Variants in ANKRD6 observed in about 807,000 individuals in gnomAD.
The protein encoded by ANKRD6 is ankyrin repeat domain-containing protein 6.
ANKRD6 carries 56 observed loss-of-function variants against 82.3 expected under a neutral mutation model. That is an observed-to-expected ratio of 0.68 (90% CI 0.55 to 0.85). The LOEUF (loss-of-function observed/expected upper bound fraction) is 0.85. Ranked by LOEUF, ANKRD6 falls within the 40% of genes least tolerant of loss-of-function variation. The pLI is 0.00. For missense variants in ANKRD6, 852 were observed against 907.6 expected (o/e 0.94, Z 0.79); for synonymous variants, 347 against 352.1 (o/e 0.99, Z 0.16).
At chr6:89,438,414 G>C (rs967601954) in intron 1 of ANKRD6, among the ~76,000 whole-genome samples, 4 of 152,158 alleles carry the variant, frequency 2.6e-5, no homozygotes, top group African/African-American at 9.7e-5. Flanking sequence ...ACCAGCAAGG[G>C]AAACACATCA....
At chr6:89,588,236 C>T (rs554652272) in intron 2 of ANKRD6, among the ~76,000 whole-genome samples, 1 of 152,208 alleles carries the variant, frequency 6.6e-6, no homozygotes, top group African/African-American at 2.4e-5. Flanking sequence ...GAATTCATTT[C>T]ATCTCTTCAG....
intron 6 of ANKRD6, among the ~76,000 whole-genome samples, chr6:89,612,955 C>T (rs992754999): frequency 6.6e-6 from 1 of 152,240 alleles, no homozygotes; most frequent in East Asian, 1.9e-4. Context: ...AAAGTGTCCT[C>T]AGGTGAGGGT....
At chr6:89,493,796 C>G (rs901996450) in intron 1 of ANKRD6, among the ~76,000 whole-genome samples, 2 of 152,098 alleles carry the variant, frequency 1.3e-5, no homozygotes, top group East Asian at 1.9e-4. Flanking sequence ...CTCACAGAAT[C>G]CTTAATTTAA....
At chr6:89,541,235 A>C (rs1344982856) in intron 1 of ANKRD6, among the ~76,000 whole-genome samples, 2 of 151,952 alleles carry the variant, frequency 1.3e-5, no homozygotes, top group Non-Finnish European at 2.9e-5. Context: ...CATTTTAACA[A>C]CATTGATTTC....
At chr6:89,621,756 C>T (rs1803402513) in intron 9 of ANKRD6, 166 bp from the exon 10 acceptor site, 1 of 671,984 alleles carries the variant, frequency 1.5e-6, no homozygotes, top group Admixed American at 2.3e-5. Flanking sequence ...AGGACAAGAC[C>T]TAGGAGGATG....
At chr6:89,462,700 G>A (rs527938308) in intron 1 of ANKRD6, among the ~76,000 whole-genome samples, 2 of 151,998 alleles carry the variant, frequency 1.3e-5, no homozygotes, top group East Asian at 1.9e-4. Context: ...AGTCTATTGC[G>A]TAAGACAATA....
chr6:89,622,262 T>TG (rs1226804350), intron 10 of ANKRD6, among the ~76,000 whole-genome samples: 1 of 152,164 alleles, frequency 6.6e-6, no homozygotes, highest in African/African-American at 2.4e-5. Flanking sequence ...CCAGTACACG[T>TG]GGGGGGCACA....
At chr6:89,543,742 C>T (rs1784705827) in intron 1 of ANKRD6, among the ~76,000 whole-genome samples, 1 of 152,208 alleles carries the variant, frequency 6.6e-6, no homozygotes, top group Non-Finnish European at 1.5e-5. Context: ...ATGTCAGCCT[C>T]TGCTTTTCAG....
At chr6:89,539,223 A>G (rs897622788) in intron 1 of ANKRD6, among the ~76,000 whole-genome samples, 1 of 152,172 alleles carries the variant, frequency 6.6e-6, no homozygotes, top group Admixed American at 6.5e-5. Context: ...AAAAGTAAAT[A>G]TCTTGGAATT....
Position 89,567,682 on chromosome 6 carries a change from C to T in ANKRD6, c.120+586C>T, listed in dbSNP as rs572742495. Among the ~76,000 whole-genome samples, 55 of 152,306 alleles carry T rather than the reference C, an allele frequency of 3.6e-4. No homozygotes were observed. In the South Asian group the frequency reaches 0.011, roughly 30 times the overall value. On this transcript the variant is annotated intron_variant, in intron 2 of 15. Coordinates refer to ENST00000339746, the MANE Select transcript of ANKRD6 (RefSeq NM_001242809.2). Reference sequence around the variant, plus strand: ...CAAAGCCAAGAAAAGGCAGGCTCCGCGCAGCTAGAGGGAGAGTTTAAATAC... The same window carrying T: ...CAAAGCCAAGAAAAGGCAGGCTCCGTGCAGCTAGAGGGAGAGTTTAAATAC...
chr6:89,466,045 G>A (rs1316798291), intron 1 of ANKRD6, among the ~76,000 whole-genome samples: 1 of 152,032 alleles, frequency 6.6e-6, no homozygotes, highest in Non-Finnish European at 1.5e-5. Context: ...CTACCCATAG[G>A]TAACCACTAT....
At chr6:89,540,527 T>A (rs1269542380) in intron 1 of ANKRD6, among the ~76,000 whole-genome samples, 1 of 152,200 alleles carries the variant, frequency 6.6e-6, no homozygotes, top group Non-Finnish European at 1.5e-5. Context: ...TTGTTATTAA[T>A]CCCTTGTCAG....
intron 15 of ANKRD6, among the ~76,000 whole-genome samples, chr6:89,629,964 C>T (rs1806992922): frequency 6.6e-6 from 1 of 152,204 alleles, no homozygotes; most frequent in Non-Finnish European, 1.5e-5. Flanking sequence ...AATGGGGCCT[C>T]CTTTCCAAAT....
intron 1 of ANKRD6, among the ~76,000 whole-genome samples, chr6:89,459,181 C>T (rs375471900): frequency 9.2e-5 from 14 of 152,246 alleles, no homozygotes; most frequent in Admixed American, 3.3e-4. Context: ...TGGGTTCAAA[C>T]GATTCTCCTG....
rs567929512 is a variant in ANKRD6 at position 89,509,438 on chromosome 6, A to G, written c.-143-57396A>G. Among the ~76,000 whole-genome samples, 4 of 152,282 alleles carry G rather than the reference A, an allele frequency of 2.6e-5. No homozygotes were observed. In the East Asian group the frequency reaches 7.7e-4, roughly 29 times the overall value. On this transcript the variant is annotated intron_variant, in intron 1 of 15. Coordinates refer to ENST00000339746, the MANE Select transcript of ANKRD6 (RefSeq NM_001242809.2). Reference sequence around the variant, plus strand: ...ACAGCCCCTTCACTTAAAGATAAGAAAGAAACATGAAGCCAAGGGACTGGA... The same window carrying G: ...ACAGCCCCTTCACTTAAAGATAAGAGAGAAACATGAAGCCAAGGGACTGGA...
chr6:89,581,470 A>T (rs1177221932), intron 2 of ANKRD6: 1 of 152,358 alleles, frequency 6.6e-6, no homozygotes, highest in Non-Finnish European at 1.5e-5. Flanking sequence ...TGCCAGTGGT[A>T]CACTGGGCTC....
intron 3 of ANKRD6, among the ~76,000 whole-genome samples, chr6:89,596,435 A>C (rs1795925604): frequency 6.6e-6 from 1 of 152,094 alleles, no homozygotes; most frequent in Non-Finnish European, 1.5e-5. Flanking sequence ...GGGATTAAAA[A>C]CTTAATTTTT....
chr6:89,499,114 A>G (rs1778977175), intron 1 of ANKRD6, among the ~76,000 whole-genome samples: 1 of 152,084 alleles, frequency 6.6e-6, no homozygotes. Context: ...TCTAAGGTAG[A>G]AAAAGACTTT....
rs368122603 is a variant in ANKRD6 at position 89,496,176 on chromosome 6, G to GCCCC, written c.-144+62809_-144+62812dup. Among the ~76,000 whole-genome samples, 4 of 138,086 alleles carry GCCCC rather than the reference G, an allele frequency of 2.9e-5. No individual in the cohort carries two copies. In the South Asian group the frequency reaches 7.1e-4, roughly 25 times the overall value. The allele number at this position is 138,086 out of a possible 152,430, so 90.6% of individuals were successfully genotyped here. A position where few individuals can be genotyped will look rare whatever the true frequency, so the allele number is the denominator to read the frequency against. ...GGATTAGCAAGCTTTTTTCCACACT[G>GCCCC]CCCCCCCCCCCACCATAATTAAAGT... On this transcript the variant is annotated intron_variant, in intron 1 of 15. Transcript: ENST00000339746.
Sources: gnomAD v4.1 joint callset for allele counts (sites outside exome capture counted in the v4.1 genomes callset) on GRCh38, gnomAD v4.1.1 for gene constraint, MANE v1.5 for transcripts, NCBI Gene and HGNC (gene_info 2026-07-23, HGNC 2026-07-21) for gene names.